Variants in DZIP3 observed in about 807,000 individuals in gnomAD.
The protein encoded by DZIP3 is E3 ubiquitin-protein ligase DZIP3.
Under a neutral mutation model 162.0 loss-of-function variants are expected in DZIP3, and 118 were observed. That is an observed-to-expected ratio of 0.73 (90% CI 0.63 to 0.85). The LOEUF is 0.85. Ranked by LOEUF, DZIP3 falls within the 40% of genes least tolerant of loss-of-function variation. The pLI is 0.00. For synonymous variants in DZIP3, 438 were observed against 458.6 expected (o/e 0.96, Z 0.57); for missense variants, 1,331 against 1,407.0 (o/e 0.95, Z 0.86).
At chr3:108,635,784 G>T (rs138999451) in intron 10 of DZIP3, among the ~76,000 whole-genome samples, 57 of 151,348 alleles carry the variant, frequency 3.8e-4, no homozygotes, top group Middle Eastern at 3.5e-3. Flanking sequence ...TTACTCTTTA[G>T]TGAGCTGATG....
At chr3:108,631,505 T>C (rs1324640744) in intron 8 of DZIP3, among the ~76,000 whole-genome samples, 3 of 151,182 alleles carry the variant, frequency 2.0e-5, no homozygotes, top group Non-Finnish European at 2.9e-5. Context: ...GCCTCCCAAG[T>C]AGCTGGGACT....
At chr3:108,640,142 C>G (rs778639929) in intron 12 of DZIP3, among the ~76,000 whole-genome samples, 9 of 151,978 alleles carry the variant, frequency 5.9e-5, no homozygotes, top group Non-Finnish European at 1.2e-4. Context: ...GATCATACTA[C>G]TGTATATCTT....
upstream of DZIP3, chr3:108,589,533 C>T: frequency 1.9e-6 from 1 of 517,220 alleles, no homozygotes; most frequent in East Asian, 3.3e-5. Context: ...CCTAGGGGAC[C>T]GTTCTCGGTG....
chr3:108,678,629 G>A (rs1318801023), intron 26 of DZIP3, among the ~76,000 whole-genome samples: 1 of 151,980 alleles, frequency 6.6e-6, no homozygotes, highest in African/African-American at 2.4e-5. Context: ...TGTCCTGTAT[G>A]TCTGGGAAAC....
Position 108,677,601 on chromosome 3 carries a change from A to G in DZIP3, c.2883+3A>G. 1 of 1,608,782 alleles carries G rather than the reference A, an allele frequency of 6.2e-7. No individual in the cohort carries two copies. The highest frequency in any genetic ancestry group is 8.5e-7 in the Non-Finnish European group (1 of 1,175,688). On this transcript the variant is annotated splice_donor_region_variant and intron_variant, in intron 26 of 32. Coordinates refer to ENST00000361582, the MANE Select transcript of DZIP3 (RefSeq NM_014648.4). Reference sequence around the variant, plus strand: ...CACCACCCAGTCCTGAGATACTGGTAAGAAATACAACATTTTGAATAATTG... The same window carrying G: ...CACCACCCAGTCCTGAGATACTGGTGAGAAATACAACATTTTGAATAATTG...
intron 22 of DZIP3, among the ~76,000 whole-genome samples, chr3:108,671,987 C>T (rs1000981519): frequency 8.6e-5 from 13 of 151,930 alleles, no homozygotes; most frequent in Non-Finnish European, 4.4e-5. Context: ...GTTCTGGAAG[C>T]TGGGAAGTCC....
At chr3:108,681,322 T>A (rs997606367) in intron 26 of DZIP3, among the ~76,000 whole-genome samples, 1 of 151,832 alleles carries the variant, frequency 6.6e-6, no homozygotes, top group Non-Finnish European at 1.5e-5. Flanking sequence ...AACAAACATA[T>A]GAAAAAAAGC....
Position 108,674,170 on chromosome 3 carries a change from C to G in DZIP3, c.2682C>G (p.His894Gln). ...TCAATCAGCTTGCCAGGGTGACTCA[C>G]ATGGCAGCAAGGTAACCTTTCCCTC... ...ECLNQLARVTHMAASNLESLQ... is the reference protein window; with the variant it reads ...ECLNQLARVTQMAASNLESLQ... The change falls in exon 24 of 33, where the codon CAC becomes CAG. Residue 894 changes from histidine (H) to glutamine (Q), a missense_variant. His to Gln is a conservative substitution (Grantham distance 24). This residue lies in a region of DZIP3 where 1,278 missense variants were observed against 1,317.1 expected (regional missense o/e 0.97). Coordinates refer to ENST00000361582, the MANE Select transcript of DZIP3 (RefSeq NM_014648.4). 6.2e-7 allele frequency: 1 copy of G among 1,612,138 alleles called. No homozygotes were observed.
intron 4 of DZIP3, among the ~76,000 whole-genome samples, chr3:108,611,623 A>G (rs1485251063): frequency 2.6e-5 from 4 of 152,136 alleles, no homozygotes; most frequent in Admixed American, 2.6e-4. Context: ...AACCTGTAAC[A>G]TGCCAGTCTG....
At chr3:108,682,522 G>T (rs960435721) in intron 26 of DZIP3, among the ~76,000 whole-genome samples, 1 of 150,754 alleles carries the variant, frequency 6.6e-6, no homozygotes, top group Non-Finnish European at 1.5e-5. Context: ...GACACAGAAA[G>T]ACAAATACTA....
chr3:108,671,794 T>A (rs375741289), intron 22 of DZIP3, among the ~76,000 whole-genome samples: 2 of 152,114 alleles, frequency 1.3e-5, no homozygotes. Flanking sequence ...CTTTATATTA[T>A]CTGAATTAAT....
intron 8 of DZIP3, among the ~76,000 whole-genome samples, chr3:108,631,055 A>ACACACACACACACACACACTCTCTCTCT: frequency 1.1e-4 from 2 of 18,010 alleles, no homozygotes; most frequent in Non-Finnish European, 9.0e-5. Flanking sequence ...ACACACACAC[A>ACACACACACACACACACACTCTCTCTCT]CTCTCTCTCT....
chr3:108,675,677 A>T, intron 24 of DZIP3, 109 bp from the exon 25 acceptor site: 1 of 746,282 alleles, frequency 1.3e-6, no homozygotes, highest in Non-Finnish European at 2.1e-6. Context: ...TGATGGGGGT[A>T]ATTTTGTTTT....
intron 1 of DZIP3, among the ~76,000 whole-genome samples, chr3:108,594,980 T>G (rs1939635629): frequency 6.6e-6 from 1 of 152,246 alleles, no homozygotes; most frequent in South Asian, 2.1e-4. Flanking sequence ...ACCAGTCAGG[T>G]AAATACATTT....
chr3:108,645,577 C>T (rs955769320), intron 14 of DZIP3, among the ~76,000 whole-genome samples: 1 of 152,218 alleles, frequency 6.6e-6, no homozygotes, highest in East Asian at 1.9e-4. Flanking sequence ...CAAGGCATGA[C>T]AACATCTCTG....
intron 12 of DZIP3, among the ~76,000 whole-genome samples, chr3:108,637,789 C>G (rs1229497461): frequency 6.6e-6 from 1 of 152,060 alleles, no homozygotes; most frequent in Non-Finnish European, 1.5e-5. Context: ...GAAAATAATC[C>G]TTTTCTTTAA....
intron 14 of DZIP3, among the ~76,000 whole-genome samples, chr3:108,646,052 C>A (rs1306847589): frequency 6.6e-6 from 1 of 152,164 alleles, no homozygotes; most frequent in Admixed American, 6.5e-5. Flanking sequence ...TCTTATATTT[C>A]TTTCCTCAGC....
intron 11 of DZIP3, among the ~76,000 whole-genome samples, 186 bp from the exon 12 acceptor site, chr3:108,637,310 T>C (rs1296038350): frequency 6.6e-6 from 1 of 152,116 alleles, no homozygotes; most frequent in African/African-American, 2.4e-5. Flanking sequence ...TTTTTTAAGG[T>C]CAACTCTAGT....
intron 14 of DZIP3, 37 bp from the exon 15 acceptor site, chr3:108,646,580 C>G: frequency 6.8e-7 from 1 of 1,477,640 alleles, no homozygotes; most frequent in South Asian, 1.2e-5. Context: ...GTTGCGTTTG[C>G]AATTGTACAT....
Sources: allele counts gnomAD v4.1 joint callset (sites outside exome capture counted in the v4.1 genomes callset), GRCh38; gene constraint gnomAD v4.1.1; regional missense constraint gnomAD v4.1.1; transcripts MANE v1.5; gene names NCBI Gene and HGNC (gene_info 2026-07-23, HGNC 2026-07-21).